KLHL1: variants seen among roughly 807,000 people sequenced by gnomAD.
KLHL1 encodes kelch-like protein 1.
Under a neutral mutation model 77.7 loss-of-function variants are expected in KLHL1, and 47 were observed. That is an observed-to-expected ratio of 0.60 (90% CI 0.48 to 0.77). The LOEUF is 0.77. KLHL1 is among the 30% of genes least tolerant of loss of function. The pLI is 0.00. For synonymous variants in KLHL1, 360 were observed against 325.2 expected, an observed-to-expected ratio of 1.11 and a Z score of -1.15; for missense variants, 925 against 910.8, an observed-to-expected ratio of 1.02 and a Z score of -0.20.
At chr13:70,033,292 C>CGTTTTGTTTT (rs1345135404) in intron 1 of KLHL1, among the ~76,000 whole-genome samples, 2 of 151,434 alleles carry the variant, frequency 1.3e-5, no homozygotes, top group Admixed American at 6.6e-5. Context: ...TGTTTTGTTT[C>CGTTTTGTTTT]GTTTTGTTTT....
intron 4 of KLHL1, among the ~76,000 whole-genome samples, chr13:69,939,340 C>CATATATATATATATATATATATATATAT (rs34074889): frequency 4.9e-5 from 3 of 60,846 alleles, no homozygotes; most frequent in African/African-American, 6.8e-5. Flanking sequence ...CATATACATA[C>CATATATATATATATATATATATATATAT]ATATATATAT....
intron 6 of KLHL1, among the ~76,000 whole-genome samples, chr13:69,809,946 G>A (rs1357258044): frequency 6.6e-6 from 1 of 151,610 alleles, no homozygotes; most frequent in African/African-American, 2.4e-5. Context: ...ACAGGAAAAT[G>A]AAGGGCATTA....
intron 7 of KLHL1, among the ~76,000 whole-genome samples, chr13:69,757,243 A>G (rs974385291): frequency 6.6e-6 from 1 of 152,194 alleles, no homozygotes; most frequent in Non-Finnish European, 1.5e-5. Context: ...ACAGAAATGC[A>G]TAAGAATATG....
At chr13:69,822,967 C>T (rs1388670393) in intron 6 of KLHL1, among the ~76,000 whole-genome samples, 1 of 152,046 alleles carries the variant, frequency 6.6e-6, no homozygotes, top group African/African-American at 2.4e-5. Flanking sequence ...ACTTATTTTG[C>T]TCATAAACTT....
rs75469025 is a variant in KLHL1, at chr13:69,899,095, G to A, written c.1015-16600C>T. ...AAGAAAGAAACACAAGCCAAACTCAGGAAGGTTGTAAGGAGGAAGAATATA... is the reference window on the plus strand; with the variant it reads ...AAGAAAGAAACACAAGCCAAACTCAAGAAGGTTGTAAGGAGGAAGAATATA... On this transcript the variant is annotated intron_variant, in intron 4 of 10. Transcript: ENST00000377844. 4.9e-3 allele frequency among the ~76,000 whole-genome samples: 749 copies of A among 151,860 alleles called. 6 individuals are homozygous for A. Among genetic ancestry groups the A allele is most frequent in the African/African-American group, 0.017 (714 of 41,400 alleles).
chr13:69,818,219 CTTTTTTTTTT>C (rs1316398623), intron 6 of KLHL1, among the ~76,000 whole-genome samples: 1 of 112,912 alleles, frequency 8.9e-6, no homozygotes, highest in Non-Finnish European at 1.8e-5. Flanking sequence ...TCATAGGCAT[CTTTTTTTTTT>C]TTTTTTTTTT....
rs149764612 is a variant in KLHL1, at chr13:70,009,718, A to G, written c.498-33916T>C. Among the ~76,000 whole-genome samples the G allele has an allele frequency of 1.2e-3, 190 of 152,304 alleles. 2 individuals are homozygous for G. The highest frequency in any genetic ancestry group is 4.3e-3 in the African/African-American group (178 of 41,574). ...CATCTGTAATGTGGAACTAATAGGT[A>G]TATTTCATTGCTATTCATTAATCCA... On this transcript the variant is annotated intron_variant, in intron 1 of 10. Coordinates refer to ENST00000377844, the MANE Select transcript of KLHL1 (RefSeq NM_020866.3).
intron 1 of KLHL1, among the ~76,000 whole-genome samples, chr13:70,033,851 C>G (rs1465196795): frequency 6.6e-6 from 1 of 151,940 alleles, no homozygotes; most frequent in Non-Finnish European, 1.5e-5. Context: ...AACTCCTGAC[C>G]TCAGGTGATC....
intron 4 of KLHL1, among the ~76,000 whole-genome samples, chr13:69,933,670 C>T (rs1297389685): frequency 1.3e-5 from 2 of 152,062 alleles, no homozygotes; most frequent in African/African-American, 4.8e-5. Flanking sequence ...AGTCTTCCAC[C>T]CTTCAAAGCT....
At chr13:69,885,604 A>G (rs1315098372) in intron 4 of KLHL1, among the ~76,000 whole-genome samples, 1 of 152,146 alleles carries the variant, frequency 6.6e-6, no homozygotes, top group African/African-American at 2.4e-5. Flanking sequence ...ATTCCCATTG[A>G]GTTTCTTACA....
intron 5 of KLHL1, among the ~76,000 whole-genome samples, chr13:69,855,384 A>G (rs1163462681): frequency 6.7e-6 from 1 of 148,376 alleles, no homozygotes; most frequent in Admixed American, 6.7e-5. Context: ...AGATCTATAG[A>G]TAGAGATAGA....
intron 1 of KLHL1, among the ~76,000 whole-genome samples, chr13:70,031,403 AAAT>A (rs1377156120): frequency 6.6e-6 from 1 of 152,188 alleles, no homozygotes; most frequent in Non-Finnish European, 1.5e-5. Flanking sequence ...ATGAGAAAAA[AAAT>A]AATGTTTATA....
chr13:69,984,883 C>T lies in KLHL1; in HGVS notation c.498-9081G>A, dbSNP rs892054681. On this transcript the variant is annotated intron_variant, in intron 1 of 10. Transcript: ENST00000377844. ...CAGCACTTTGGGAGGCCAAGGTGGG[C>T]GGATCGCATGATGTCAGGAGTTCAA... 9.9e-5 allele frequency among the ~76,000 whole-genome samples: 15 copies of T among 151,922 alleles called. 1 individual carries two copies. Among genetic ancestry groups the T allele is most frequent in the Admixed American group, 9.2e-4 (14 of 15,232 alleles).
At chr13:69,876,360 T>A (rs572013393) in intron 5 of KLHL1, among the ~76,000 whole-genome samples, 3 of 152,306 alleles carry the variant, frequency 2.0e-5, no homozygotes, top group South Asian at 2.1e-4. Flanking sequence ...ACTTTTCCAA[T>A]GAAAAAGGTT....
chr13:69,732,579 G>T (rs1873594034), intron 8 of KLHL1, among the ~76,000 whole-genome samples: 1 of 151,966 alleles, frequency 6.6e-6, no homozygotes, highest in African/African-American at 2.4e-5. Context: ...TCCCTGTTAG[G>T]ATCTGACATC....
chr13:69,989,006 T>C (rs1884951043), intron 1 of KLHL1, among the ~76,000 whole-genome samples: 1 of 152,168 alleles, frequency 6.6e-6, no homozygotes, highest in Admixed American at 6.6e-5. Context: ...GAATTTGCTT[T>C]TAGCATTTTA....
At position 69,931,829 on chromosome 13, in the gene KLHL1, C is replaced by T. The variant is rs145821685; in HGVS notation, c.1014+8211G>A. Among the ~76,000 whole-genome samples the T allele has an allele frequency of 5.4e-3, 818 of 151,606 alleles. 8 individuals carry two copies. Among genetic ancestry groups the T allele is most frequent in the African/African-American group, 0.018 (766 of 41,482 alleles). On this transcript the variant is annotated intron_variant, in intron 4 of 10. Coordinates refer to ENST00000377844, the MANE Select transcript of KLHL1 (RefSeq NM_020866.3). ...GAAATTAGATGGGAAATTATGTTAC[C>T]TGTTAAAAAGTTTTGAAATAAATAG...
At chr13:69,876,916 A>T (rs1215601450) in intron 5 of KLHL1, among the ~76,000 whole-genome samples, 2 of 152,122 alleles carry the variant, frequency 1.3e-5, no homozygotes, top group Non-Finnish European at 2.9e-5. Context: ...GCATGCATGT[A>T]ATCCCAGCTA....
chr13:69,858,060 T>C (rs1879989339), intron 5 of KLHL1, among the ~76,000 whole-genome samples: 1 of 152,042 alleles, frequency 6.6e-6, no homozygotes, highest in Non-Finnish European at 1.5e-5. Context: ...CAGATGTAAA[T>C]AAGGGCAGAG....
Sources: allele counts gnomAD v4.1 joint callset (sites outside exome capture counted in the v4.1 genomes callset), GRCh38; gene constraint gnomAD v4.1.1; transcripts MANE v1.5; gene names NCBI Gene and HGNC (gene_info 2026-07-23, HGNC 2026-07-21).